Variants in ZNF469 observed in about 807,000 individuals in gnomAD.
ZNF469 encodes the protein zinc finger protein 469.
In ZNF469, 1 loss-of-function variant was observed where a neutral mutation model predicts 1.0. The observed-to-expected ratio is 1.00, with a 90% CI of 0.35 to 4.73. The LOEUF is 4.73. Ranked by LOEUF, ZNF469 falls within the 30% of genes most tolerant of loss-of-function variation. ZNF469 has a pLI of 0.16. For missense variants in ZNF469, 6,100 were observed against 5,356.3 expected, an observed-to-expected ratio of 1.14 and a Z score of -4.33; for synonymous variants, 2,703 against 2,363.4, an observed-to-expected ratio of 1.14 and a Z score of -4.17.
chr16:88,268,537 T>G, the ZNF469 span, among the ~76,000 whole-genome samples: 4 of 152,182 alleles, frequency 2.6e-5, no homozygotes, highest in Admixed American at 2.0e-4. Context: ...CAATTTGAGT[T>G]CTCCTGGCGT....
chr16:88,325,487 T>A, the ZNF469 span, among the ~76,000 whole-genome samples: 1 of 152,192 alleles, frequency 6.6e-6, no homozygotes, highest in Non-Finnish European at 1.5e-5. Context: ...AGGACACAGG[T>A]CAGTGATAGG....
rs774526856 is a variant in ZNF469 at position 88,430,516 on chromosome 16, G to T, written c.3046G>T (p.Ala1016Ser). 1.7e-5 allele frequency: 24 copies of T among 1,429,594 alleles called. No individual in the cohort carries two copies. The Middle Eastern group carries it at 2.5e-3, about 149-fold the overall frequency. 88.6% of individuals were successfully genotyped at this position (1,429,594 alleles called of 1,614,324 possible). Residue 1016 changes from alanine to serine, a missense_variant, in exon 3 of 3, where the codon GCC (alanine) becomes TCC (serine). Physicochemically the swap from Ala to Ser is moderately conservative, Grantham distance 99. Coordinates refer to ENST00000565624, the MANE Select transcript of ZNF469 (RefSeq NM_001367624.2). ...ADPAPRVPRA[A>S]ALPEETRSSR... ...CCCCGCGCCCCGGGTCCCGAGAGCC[G>T]CCGCCCTCCCCGAGGAGACCCGCAG...
chr16:88,239,525 G>C, the ZNF469 span, among the ~76,000 whole-genome samples: 2 of 146,974 alleles, frequency 1.4e-5, no homozygotes, highest in African/African-American at 5.0e-5. Context: ...GTCTCGCTCT[G>C]TCACCAGGCT....
the ZNF469 span, among the ~76,000 whole-genome samples, chr16:88,249,636 C>T: frequency 6.6e-6 from 1 of 151,948 alleles, no homozygotes; most frequent in Non-Finnish European, 1.5e-5. Flanking sequence ...CGGGATTTCA[C>T]CGTGTTAGCC....
chr16:88,290,799 T>C, the ZNF469 span, among the ~76,000 whole-genome samples: 28 of 152,320 alleles, frequency 1.8e-4, no homozygotes, highest in East Asian at 3.3e-3. Context: ...TGAAGTCACA[T>C]CTAGGAGGTG....
chr16:88,263,408 C>T, the ZNF469 span, among the ~76,000 whole-genome samples: 1 of 152,188 alleles, frequency 6.6e-6, no homozygotes, highest in African/African-American at 2.4e-5. Flanking sequence ...CTGTGTCTGC[C>T]CAGAAGGCTG....
the ZNF469 span, among the ~76,000 whole-genome samples, chr16:88,289,541 A>C: frequency 6.6e-6 from 1 of 152,172 alleles, no homozygotes; most frequent in Non-Finnish European, 1.5e-5. Context: ...TGAGTGCTTC[A>C]CCTAAATTAG....
the ZNF469 span, among the ~76,000 whole-genome samples, chr16:88,376,621 T>C: frequency 6.6e-6 from 1 of 152,244 alleles, no homozygotes; most frequent in Non-Finnish European, 1.5e-5. Context: ...GATTCCCATT[T>C]TGAAGGTCTG....
At chr16:88,401,840 A>G (rs28406837) in intron 1 of ZNF469, among the ~76,000 whole-genome samples, 1 of 144,522 alleles carries the variant, frequency 6.9e-6, no homozygotes, top group East Asian at 2.1e-4. Context: ...TGGATGGTGG[A>G]TGGATGGATA....
the ZNF469 span, among the ~76,000 whole-genome samples, chr16:88,236,815 C>T: frequency 2.0e-5 from 3 of 151,148 alleles, no homozygotes; most frequent in East Asian, 1.9e-4. Context: ...TGCTGTGAGC[C>T]GAGCTAGTGC....
the ZNF469 span, among the ~76,000 whole-genome samples, chr16:88,338,037 C>G: frequency 6.6e-6 from 1 of 152,236 alleles, no homozygotes; most frequent in African/African-American, 2.4e-5. Context: ...CTTTCGGTGA[C>G]ACATCTACGA....
the ZNF469 span, among the ~76,000 whole-genome samples, chr16:88,240,500 G>A: frequency 1.3e-5 from 2 of 152,180 alleles, no homozygotes; most frequent in Non-Finnish European, 2.9e-5. Flanking sequence ...TCAACACTGT[G>A]CCCACCAGGT....
the ZNF469 span, among the ~76,000 whole-genome samples, chr16:88,259,756 C>G: frequency 6.6e-6 from 1 of 152,162 alleles, no homozygotes; most frequent in African/African-American, 2.4e-5. This position sits in a 1 kb window ranked among gnomAD's most constrained non-coding sequence, Gnocchi z 4.1. Context: ...AGCGGCCTCC[C>G]CAAAGTCCAG....
chr16:88,154,227 G>C, the ZNF469 span, among the ~76,000 whole-genome samples: 1 of 152,124 alleles, frequency 6.6e-6, no homozygotes, highest in Non-Finnish European at 1.5e-5. Flanking sequence ...GCGTGATCTC[G>C]GCTTACTGCA....
the ZNF469 span, among the ~76,000 whole-genome samples, chr16:88,334,423 A>G: frequency 6.6e-6 from 1 of 152,210 alleles, no homozygotes; most frequent in Non-Finnish European, 1.5e-5. Context: ...TCCCTGACCC[A>G]GCATCTGAAA....
the ZNF469 span, among the ~76,000 whole-genome samples, chr16:88,279,058 A>T: frequency 6.6e-6 from 1 of 151,458 alleles, no homozygotes; most frequent in Non-Finnish European, 1.5e-5. Context: ...TACTGTGTAG[A>T]TATCAGTGCA....
Position 88,431,629 on chromosome 16 carries a change from C to T in ZNF469, c.4159C>T (p.Pro1387Ser). Reference protein sequence around the residue: ...SSPHSELFLGPKDLAGCFLEE... With the variant: ...SSPHSELFLGSKDLAGCFLEE... ...CCCCCACAGTGAGTTGTTCCTCGGA[C>T]CCAAAGACCTGGCTGGCTGTTTCCT... is the stretch of plus-strand genomic sequence containing the variant. The change falls in exon 3 of 3, where the codon CCC (proline) becomes TCC (serine). Residue 1387 changes from proline to serine, a missense_variant. By Grantham distance (74) the Pro-to-Ser change is moderately conservative. Coordinates refer to ENST00000565624, the MANE Select transcript of ZNF469 (RefSeq NM_001367624.2). 2 of 1,550,506 alleles carry T rather than the reference C, an allele frequency of 1.3e-6. No homozygotes were observed. Among genetic ancestry groups the T allele is most frequent in the Non-Finnish European group, 1.7e-6 (2 of 1,146,988 alleles).
At chr16:88,150,553 G>A in the ZNF469 span, among the ~76,000 whole-genome samples, 1 of 152,166 alleles carries the variant, frequency 6.6e-6, no homozygotes, top group African/African-American at 2.4e-5. Flanking sequence ...CCCCTTTGTG[G>A]GTGGACTCTC....
At chr16:88,222,945 G>C in the ZNF469 span, among the ~76,000 whole-genome samples, 1 of 152,212 alleles carries the variant, frequency 6.6e-6, no homozygotes, top group Non-Finnish European at 1.5e-5. Context: ...ACAGCACCCA[G>C]CACCTGGGTT....
Sources: allele counts gnomAD v4.1 joint callset (sites outside exome capture counted in the v4.1 genomes callset), GRCh38; gene constraint gnomAD v4.1.1; non-coding constraint Gnocchi (gnomAD v3.1); transcripts MANE v1.5; gene names NCBI Gene and HGNC (gene_info 2026-07-23, HGNC 2026-07-21).